Variants in AGBL4 observed in about 807,000 individuals in gnomAD.
AGBL4 encodes AGBL carboxypeptidase 4.
A neutral mutation model predicts 66.4 loss-of-function variants in AGBL4; 58 were observed. The ratio of observed to expected loss-of-function variants is 0.87; its 90% CI spans 0.71 to 1.09. The LOEUF (loss-of-function observed/expected upper bound fraction) is 1.09. AGBL4 is among the 50% of genes least tolerant of loss of function. The pLI is 0.00. For missense variants in AGBL4, 579 were observed against 631.0 expected (o/e 0.92, Z 0.88); for synonymous variants, 234 against 222.9 (o/e 1.05, Z -0.44).
intron 6 of AGBL4, chr1:48,817,867 G>T: frequency 1.7e-6 from 1 of 605,248 alleles, no homozygotes; most frequent in Non-Finnish European, 2.9e-6. Context: ...GTGTGTTTTT[G>T]TGTGCTTGCA....
In AGBL4 at chr1:49,870,502, G is replaced by T. The variant is rs538482496; in HGVS notation, c.35-18984C>A. On this transcript the variant is annotated intron_variant, in intron 1 of 13. Coordinates refer to ENST00000371839, the MANE Select transcript of AGBL4 (RefSeq NM_032785.4). ...AGGCGATGAGTGCCTCATTCTCAAT[G>T]ATATGATTATTACACATTGCATGCC... is the stretch of plus-strand genomic sequence containing the variant. 4.7e-5 allele frequency among the ~76,000 whole-genome samples: 7 copies of T among 149,312 alleles called. No homozygotes were observed. In the South Asian group the frequency reaches 1.1e-3, roughly 23 times the overall value.
At chr1:48,546,860 AACAAAC>A (rs1189357386) in intron 11 of AGBL4, among the ~76,000 whole-genome samples, 37 of 42,914 alleles carry the variant, frequency 8.6e-4, no homozygotes, top group East Asian at 3.2e-3. Flanking sequence ...TAGTAAAACA[AACAAAC>A]ACACACACAC....
At chr1:48,636,209 C>A (rs1645665440) in intron 8 of AGBL4, among the ~76,000 whole-genome samples, 1 of 152,072 alleles carries the variant, frequency 6.6e-6, no homozygotes, top group Admixed American at 6.6e-5. Context: ...GAAAAATGGT[C>A]CTCAATATAG....
intron 1 of AGBL4, among the ~76,000 whole-genome samples, chr1:49,975,319 G>C (rs1251700122): frequency 6.6e-6 from 1 of 152,032 alleles, no homozygotes; most frequent in Non-Finnish European, 1.5e-5. Context: ...TGTACCATTC[G>C]ACTGCTTGGA....
intron 5 of AGBL4, among the ~76,000 whole-genome samples, chr1:48,986,562 G>T (rs1184713869): frequency 6.6e-6 from 1 of 151,918 alleles, no homozygotes; most frequent in Non-Finnish European, 1.5e-5. Context: ...TACCTAGCAA[G>T]AATTTCAAAA....
chr1:49,317,624 CTGTAAAT>C (rs1645063460), intron 3 of AGBL4, among the ~76,000 whole-genome samples: 1 of 151,724 alleles, frequency 6.6e-6, no homozygotes, highest in Non-Finnish European at 1.5e-5. Context: ...ACTTCTGTTC[CTGTAAAT>C]ATAGAAGACT....
At chr1:49,592,532 G>A (rs545100194) in intron 3 of AGBL4, among the ~76,000 whole-genome samples, 1 of 152,264 alleles carries the variant, frequency 6.6e-6, no homozygotes, top group South Asian at 2.1e-4. Context: ...TCATGCCACT[G>A]CATTTCAGCC....
At chr1:49,616,577 T>C (rs919871242) in intron 3 of AGBL4, among the ~76,000 whole-genome samples, 2 of 152,180 alleles carry the variant, frequency 1.3e-5, no homozygotes, top group Admixed American at 6.5e-5. Flanking sequence ...TGGCTTCCAA[T>C]TTATAACTCA....
chr1:48,895,504 T>C (rs1651414568), intron 5 of AGBL4, among the ~76,000 whole-genome samples: 1 of 152,228 alleles, frequency 6.6e-6, no homozygotes, highest in South Asian at 2.1e-4. Context: ...ATTTCTGGAA[T>C]GGAAATCTTT....
At chr1:49,878,586 G>C (rs1427511061) in intron 1 of AGBL4, among the ~76,000 whole-genome samples, 1 of 151,908 alleles carries the variant, frequency 6.6e-6, no homozygotes, top group Non-Finnish European at 1.5e-5. Flanking sequence ...CCAACTATGT[G>C]GTCAATTTTG....
At chr1:49,687,773 T>TA (rs1290482102) in intron 3 of AGBL4, among the ~76,000 whole-genome samples, 3 of 150,624 alleles carry the variant, frequency 2.0e-5, no homozygotes, top group Non-Finnish European at 4.4e-5. Flanking sequence ...AAAGCCTATC[T>TA]AAAAAAAATA....
At chr1:49,750,472 C>T (rs547361952) in intron 2 of AGBL4, among the ~76,000 whole-genome samples, 24 of 152,258 alleles carry the variant, frequency 1.6e-4, no homozygotes, top group African/African-American at 5.3e-4. Context: ...GGTACCTGTA[C>T]CACGCTGTTT....
intron 3 of AGBL4, among the ~76,000 whole-genome samples, chr1:49,648,115 A>G (rs1310769465): frequency 1.3e-5 from 2 of 152,126 alleles, no homozygotes; most frequent in Non-Finnish European, 2.9e-5. Flanking sequence ...TAATGGGTGA[A>G]GTAGACAACA....
At chr1:48,607,389 G>A (rs927962547) in intron 9 of AGBL4, among the ~76,000 whole-genome samples, 8 of 151,936 alleles carry the variant, frequency 5.3e-5, no homozygotes, top group African/African-American at 1.9e-4. Context: ...AGGCTGAGGC[G>A]GGCGGATCAC....
In AGBL4 at chr1:48,593,758, T is replaced by A. The variant is rs567414377; in HGVS notation, c.952-2773A>T. Among the ~76,000 whole-genome samples, 686 of 151,918 alleles carry A rather than the reference T, an allele frequency of 4.5e-3. 5 individuals carry two copies. The highest frequency in any genetic ancestry group is 0.016 in the African/African-American group (646 of 41,454). ...AGTGCGAGACTCCGTCTCAAAAAAA[T>A]AAATAAATAAATAAAATAAAATAAT... is the stretch of plus-strand genomic sequence containing the variant. On this transcript the variant is annotated intron_variant, in intron 9 of 13. Coordinates refer to ENST00000371839, the MANE Select transcript of AGBL4 (RefSeq NM_032785.4).
At chr1:49,563,520 C>G (rs946233960) in intron 3 of AGBL4, among the ~76,000 whole-genome samples, 38 of 152,070 alleles carry the variant, frequency 2.5e-4, no homozygotes, top group Middle Eastern at 3.4e-3. Context: ...TAGCATGAAG[C>G]GTTGTTGAAG....
intron 6 of AGBL4, among the ~76,000 whole-genome samples, chr1:48,669,274 C>CA (rs1030828921): frequency 1.3e-5 from 2 of 152,218 alleles, no homozygotes; most frequent in African/African-American, 4.8e-5. Flanking sequence ...ATCCCTGCCA[C>CA]ATGGCTTCAC....
At chr1:48,694,152 G>A (rs1191320973) in intron 6 of AGBL4, among the ~76,000 whole-genome samples, 1 of 151,858 alleles carries the variant, frequency 6.6e-6, no homozygotes, top group African/African-American at 2.4e-5. Context: ...ACATGTACAG[G>A]CAGTTGTCCT....
At chr1:48,589,469 A>G (rs1644879093) in intron 10 of AGBL4, among the ~76,000 whole-genome samples, 1 of 152,214 alleles carries the variant, frequency 6.6e-6, no homozygotes, top group Non-Finnish European at 1.5e-5. Context: ...CCACATGGAA[A>G]TAACAGGCCC....
Sources: gnomAD v4.1 joint callset for allele counts (sites outside exome capture counted in the v4.1 genomes callset) on GRCh38, gnomAD v4.1.1 for gene constraint, MANE v1.5 for transcripts, NCBI Gene and HGNC (gene_info 2026-07-23, HGNC 2026-07-21) for gene names.